The following CNTNAP2 variants were observed in gnomAD, a reference collection of about 807,000 sequenced individuals.
CNTNAP2 encodes the protein contactin-associated protein-like 2.
Under a neutral mutation model 155.2 loss-of-function variants are expected in CNTNAP2, and 98 were observed. The ratio of observed to expected loss-of-function variants is 0.63; its 90% CI spans 0.54 to 0.75. The LOEUF (loss-of-function observed/expected upper bound fraction) is 0.75. CNTNAP2 is among the 30% of genes least tolerant of loss of function. The pLI is 0.00. For synonymous variants in CNTNAP2, 651 were observed against 631.2 expected, an observed-to-expected ratio of 1.03 and a Z score of -0.47; for missense variants, 1,727 against 1,688.1, an observed-to-expected ratio of 1.02 and a Z score of -0.40.
At chr7:146,712,283 T>TGTATACATATCTTATGTATACTATATA (rs1563199237) in intron 1 of CNTNAP2, among the ~76,000 whole-genome samples, 284 of 19,220 alleles carry the variant, frequency 0.015, 25 homozygotes, top group Non-Finnish European at 0.017. Flanking sequence ...TATACATATA[T>TGTATACATATCTTATGTATACTATATA]GTATACATAT....
At chr7:146,443,712 CT>C (rs1047147361) in intron 1 of CNTNAP2, among the ~76,000 whole-genome samples, 1 of 152,164 alleles carries the variant, frequency 6.6e-6, no homozygotes, top group Non-Finnish European at 1.5e-5. Context: ...CTGTCAACCA[CT>C]TTTTTTATAA....
At chr7:146,543,691 C>G (rs1263273716) in intron 1 of CNTNAP2, among the ~76,000 whole-genome samples, 1 of 151,892 alleles carries the variant, frequency 6.6e-6, no homozygotes, top group East Asian at 1.9e-4. Flanking sequence ...TTCCTAAACC[C>G]TCTTTACTGA....
At chr7:146,144,992 G>T (rs1336354480) in intron 1 of CNTNAP2, among the ~76,000 whole-genome samples, 1 of 152,156 alleles carries the variant, frequency 6.6e-6, no homozygotes, top group African/African-American at 2.4e-5. Flanking sequence ...TGGTGGGAGA[G>T]ATGTAACTCA....
intron 13 of CNTNAP2, among the ~76,000 whole-genome samples, chr7:147,677,100 G>C (rs1795881509): frequency 6.6e-6 from 1 of 150,684 alleles, no homozygotes; most frequent in South Asian, 2.1e-4. Context: ...CCTCCATACT[G>C]TTTTAAATAC....
intron 21 of CNTNAP2, among the ~76,000 whole-genome samples, chr7:148,298,855 C>T (rs1179213914): frequency 1.3e-5 from 2 of 152,048 alleles, no homozygotes; most frequent in Admixed American, 1.3e-4. Context: ...CACACCACTA[C>T]ACCTTGCTAA....
intron 13 of CNTNAP2, among the ~76,000 whole-genome samples, chr7:147,859,650 G>C (rs1315455635): frequency 1.3e-5 from 2 of 152,132 alleles, no homozygotes; most frequent in African/African-American, 4.8e-5. Context: ...AATTATGGGA[G>C]TCCCTGTGGT....
chr7:148,169,096 A>C (rs1805727557), intron 17 of CNTNAP2, among the ~76,000 whole-genome samples: 2 of 152,260 alleles, frequency 1.3e-5, no homozygotes, highest in African/African-American at 4.8e-5. Flanking sequence ...ACCAAGAGTT[A>C]AAGCTCATAT....
At chr7:146,469,961 T>A (rs1190422319) in intron 1 of CNTNAP2, among the ~76,000 whole-genome samples, 2 of 151,382 alleles carry the variant, frequency 1.3e-5, no homozygotes, top group Non-Finnish European at 2.9e-5. Flanking sequence ...TGCCTCAGCC[T>A]CCCGAGTAGC....
At chr7:147,986,622 G>C (rs898168298) in intron 15 of CNTNAP2, among the ~76,000 whole-genome samples, 1 of 152,138 alleles carries the variant, frequency 6.6e-6, no homozygotes, top group Non-Finnish European at 1.5e-5. Flanking sequence ...TCGAGAAACA[G>C]TTTAATACAG....
At chr7:147,349,871 G>A (rs925975702) in intron 9 of CNTNAP2, among the ~76,000 whole-genome samples, 1 of 151,912 alleles carries the variant, frequency 6.6e-6, no homozygotes, top group Non-Finnish European at 1.5e-5. Context: ...GGTCAAGAGA[G>A]ACACTCTTTT....
At chr7:147,086,458 GAC>G (rs1396226849) in intron 4 of CNTNAP2, among the ~76,000 whole-genome samples, 3 of 150,878 alleles carry the variant, frequency 2.0e-5, no homozygotes, top group Non-Finnish European at 4.4e-5. Flanking sequence ...ACTTTTTTGA[GAC>G]AGATTTCTCT....
intron 21 of CNTNAP2, among the ~76,000 whole-genome samples, chr7:148,350,268 A>C (rs1276732908): frequency 6.6e-6 from 1 of 152,162 alleles, no homozygotes; most frequent in Non-Finnish European, 1.5e-5. Context: ...TGACACTCAA[A>C]GGGATTAAGG....
intron 3 of CNTNAP2, among the ~76,000 whole-genome samples, chr7:146,914,806 T>C (rs1349410535): frequency 1.3e-5 from 2 of 152,162 alleles, no homozygotes; most frequent in Admixed American, 1.3e-4. Flanking sequence ...TTTAGTTTAA[T>C]TAGGTTCCAT....
chr7:146,630,950 G>C (rs1799500654), intron 1 of CNTNAP2, among the ~76,000 whole-genome samples: 1 of 152,060 alleles, frequency 6.6e-6, no homozygotes, highest in Non-Finnish European at 1.5e-5. Context: ...TCATAGATAG[G>C]AAGAATCAAT....
At chr7:147,587,723 C>T (rs1391024690) in intron 12 of CNTNAP2, among the ~76,000 whole-genome samples, 1 of 152,126 alleles carries the variant, frequency 6.6e-6, no homozygotes, top group Non-Finnish European at 1.5e-5. Flanking sequence ...CTTTTAAAGG[C>T]AAATAAGACG....
At chr7:146,768,898 T>C (rs1802245153) in intron 1 of CNTNAP2, among the ~76,000 whole-genome samples, 1 of 152,214 alleles carries the variant, frequency 6.6e-6, no homozygotes, top group Non-Finnish European at 1.5e-5. Context: ...AACCATACTT[T>C]TGTGTCAATT....
chr7:147,731,686 G>A (rs1796741969), intron 13 of CNTNAP2, among the ~76,000 whole-genome samples: 1 of 152,054 alleles, frequency 6.6e-6, no homozygotes, highest in Admixed American at 6.6e-5. Context: ...CAATTCATAG[G>A]GCTAGAGCTG....
At chr7:147,153,107 G>A (rs1313904917) in intron 8 of CNTNAP2, among the ~76,000 whole-genome samples, 5 of 152,080 alleles carry the variant, frequency 3.3e-5, no homozygotes, top group African/African-American at 1.2e-4. Flanking sequence ...AAAAAAATTA[G>A]GACATCATTT....
At chr7:146,926,647 A>G (rs1277996727) in intron 3 of CNTNAP2, among the ~76,000 whole-genome samples, 1 of 152,096 alleles carries the variant, frequency 6.6e-6, no homozygotes, top group Non-Finnish European at 1.5e-5. Context: ...AATGTTATCT[A>G]ACAAAACAAT....
Sources: allele counts gnomAD v4.1 joint callset (sites outside exome capture counted in the v4.1 genomes callset), GRCh38; gene constraint gnomAD v4.1.1; transcripts MANE v1.5; gene names NCBI Gene and HGNC (gene_info 2026-07-23, HGNC 2026-07-21).